The following PTCH1 variants were observed in gnomAD, a reference collection of about 807,000 sequenced individuals.
PTCH1 encodes the protein patched 1, also known as protein patched homolog 1.
Under a neutral mutation model 144.6 loss-of-function variants are expected in PTCH1, and 14 were observed. The observed-to-expected ratio is 0.10, with a 90% CI of 0.06 to 0.15. PTCH1 has a LOEUF of 0.15. PTCH1 is among the 10% of genes least tolerant of loss of function. PTCH1 has a pLI of 1.00. For missense variants in PTCH1, 1,623 were observed against 1,948.3 expected (o/e 0.83, Z 3.14); for synonymous variants, 833 against 793.6 (o/e 1.05, Z -0.83).
intron 2 of PTCH1, among the ~76,000 whole-genome samples, chr9:95,501,803 T>TA (rs879546205): frequency 1.3e-4 from 20 of 152,160 alleles, no homozygotes; most frequent in Admixed American, 1.3e-3. Flanking sequence ...TGAAAAGAAA[T>TA]AGATACTGAG....
At chr9:95,514,089 G>A (rs28410513), upstream of PTCH1, 9 of 151,866 alleles carry the variant, frequency 5.9e-5, no homozygotes, top group African/African-American at 9.7e-5. Flanking sequence ...CTTGAAAGGG[G>A]AATTAGACTT....
At chr9:95,478,271 G>A (rs752055141) in intron 8 of PTCH1, 85 bp from the exon 9 acceptor site, 62 of 1,582,572 alleles carry the variant, frequency 3.9e-5, no homozygotes, top group Middle Eastern at 1.8e-4. Context: ...GTGACACAGC[G>A]CAGCCCTTCT....
At chr9:95,509,623 AC>A (rs1844039894), upstream of PTCH1, among the ~76,000 whole-genome samples, 1 of 152,214 alleles carries the variant, frequency 6.6e-6, no homozygotes, top group Admixed American at 6.5e-5. Context: ...ACGCACACAC[AC>A]GAACATTTGC....
Position 95,480,510 on chromosome 9 carries a change from C to T in PTCH1, c.825G>A (p.Val275=), listed in dbSNP as rs2118421809. 6.2e-6 allele frequency: 10 copies of T among 1,613,288 alleles called. No individual in the cohort carries two copies. Among genetic ancestry groups the T allele is most frequent in the Non-Finnish European group, 7.6e-6 (9 of 1,179,936 alleles). ...LEELKKINYQ[V]DSWEEMLNKA... ...TATTCAGCATTTCCTCCCAGCTGTC[C>T]ACTTGATAGTTTATTTTCTTTAACT... Residue 275 remains valine, a synonymous_variant, in exon 6 of 24, where the codon GTG becomes GTA. Transcript: ENST00000331920.
chr9:95,516,651 CT>C (rs749229122), exon 1 of PTCH1: 2 of 1,612,130 alleles, frequency 1.2e-6, no homozygotes, highest in African/African-American at 2.7e-5. Flanking sequence ...TTTGTCTCCC[CT>C]GTCGTCTTTT....
intron 2 of PTCH1, among the ~76,000 whole-genome samples, chr9:95,488,431 C>CA (rs1842142819): frequency 6.6e-6 from 1 of 152,178 alleles, no homozygotes; most frequent in Non-Finnish European, 1.5e-5. Flanking sequence ...GCCATATATA[C>CA]TATTAAATGC....
At chr9:95,511,430 G>A (rs1291749457), upstream of PTCH1, among the ~76,000 whole-genome samples, 1 of 152,232 alleles carries the variant, frequency 6.6e-6, no homozygotes, top group Non-Finnish European at 1.5e-5. Flanking sequence ...ATGCGGTGCC[G>A]GGGTCAGGGC....
chr9:95,514,681 G>C (rs1393067188), intron 1 of PTCH1, among the ~76,000 whole-genome samples: 5 of 151,684 alleles, frequency 3.3e-5, no homozygotes, highest in Non-Finnish European at 5.9e-5. Context: ...AAAAACGGGA[G>C]ACATATTTTA....
intron 2 of PTCH1, among the ~76,000 whole-genome samples, chr9:95,505,326 C>T (rs1163315866): frequency 1.3e-5 from 2 of 152,216 alleles, no homozygotes. Context: ...CTAGTCACCT[C>T]TACCCTCCCC....
intron 2 of PTCH1, among the ~76,000 whole-genome samples, chr9:95,493,750 C>T (rs139657720): frequency 4.5e-4 from 68 of 151,940 alleles, no homozygotes; most frequent in Middle Eastern, 6.8e-3. Context: ...AATCTCTAAG[C>T]GGGTGTAACT....
At position 95,508,860 on chromosome 9, in the gene PTCH1, G is replaced by A. The variant is rs976867535; in HGVS notation, c.-499C>T. On this transcript the variant is annotated 5_prime_UTR_variant, in exon 1 of 24. Coordinates refer to ENST00000331920, the MANE Select transcript of PTCH1 (RefSeq NM_000264.5). ...CGCCTCCCGGGTCGCCCGAGCGGCC[G>A]CGGAGGGCAAGCGCAGAGCCGCCGC... The A allele has an allele frequency of 5.1e-5, 50 of 980,976 alleles. No homozygotes were observed. The highest frequency in any genetic ancestry group is 1.8e-5 in the African/African-American group (1 of 56,846). The allele number at this position is 980,976 out of a possible 1,614,324, so 60.8% of individuals were successfully genotyped here.
At position 95,447,260 on chromosome 9, in the gene PTCH1, G is replaced by A. The variant is rs1343640252; in HGVS notation, c.3996C>T (p.Gly1332=). The A allele has an allele frequency of 2.5e-6, 4 of 1,612,866 alleles. No homozygotes were observed. Among genetic ancestry groups the A allele is most frequent in the Admixed American group, 3.3e-5 (2 of 60,018 alleles). ...AFEISTEGHS[G]PSNRARWGPR... ...GGCCCCAGCGGGCCCTATTGCTAGG[G>A]CCAGAATGCCCTTCAGTAGAAATTT... The change falls in exon 23 of 24, where the codon GGC becomes GGT. Residue 1332 remains glycine, a synonymous_variant. Coordinates refer to ENST00000331920, the MANE Select transcript of PTCH1 (RefSeq NM_000264.5).
intron 1 of PTCH1, 57 bp from the exon 2 acceptor site, chr9:95,506,656 A>ACTCCCGCTTGCGCGCACC: frequency 6.9e-7 from 1 of 1,452,890 alleles, no homozygotes; most frequent in Non-Finnish European, 9.2e-7. Context: ...CCGCGCGCCC[A>ACTCCCGCTTGCGCGCACC]CGCCCGCTTG....
At chr9:95,463,442 C>A (rs2136702509) in intron 15 of PTCH1, among the ~76,000 whole-genome samples, 1 of 152,246 alleles carries the variant, frequency 6.6e-6, no homozygotes, top group South Asian at 2.1e-4. Context: ...GGGAGGCATG[C>A]ACACACAGGG....
rs752585952 is a variant in PTCH1, at chr9:95,457,975, GA to G, written c.3168+37del. On this transcript the variant is annotated intron_variant, in intron 18 of 23. Transcript: ENST00000331920. ...GCTGCAGAAAGAGCTATGCTGAAAGGAATTTGACTTCCACAAAGCCCCTTAT... is the reference window on the plus strand; with the variant it reads ...GCTGCAGAAAGAGCTATGCTGAAAGGATTTGACTTCCACAAAGCCCCTTAT... 3.1e-6 allele frequency: 5 copies of G among 1,612,962 alleles called. No homozygotes were observed. The South Asian group carries it at 3.3e-5, about 11-fold the overall frequency.
In PTCH1 at chr9:95,449,846, G is replaced by C. The variant is rs1259037941; in HGVS notation, c.3544C>G (p.Pro1182Ala). ...ATCCCCGTGTCACTACTGACCTCAGGATATGGTCCAAAGAAAGACAAAAGC... is the reference window on the plus strand; with the variant it reads ...ATCCCCGTGTCACTACTGACCTCAGCATATGGTCCAAAGAAAGACAAAAGC... ...PVLLSFFGPY[P>A]EVSPANGLNR... The change falls in exon 21 of 24, where the codon CCT (proline) becomes GCT (alanine). Residue 1182 changes from proline (P) to alanine (A), a missense_variant. Coordinates refer to ENST00000331920, the MANE Select transcript of PTCH1 (RefSeq NM_000264.5). The surrounding 1 kb of genome is among the most constrained non-coding windows in gnomAD (Gnocchi z 5.3). 6.2e-7 allele frequency: 1 copy of C among 1,612,778 alleles called. No individual in the cohort carries two copies. Among genetic ancestry groups the C allele is most frequent in the Non-Finnish European group, 8.5e-7 (1 of 1,178,768 alleles).
rs779498046 is a variant in PTCH1, at chr9:95,482,120, A to T, written c.654+14T>A. On this transcript the variant is annotated intron_variant, in intron 4 of 23. Transcript: ENST00000331920. ...TGTTCCTGAGAAATTTTTGCCAACA[A>T]GAAGAAAATATACCTGATCCATGTA... 6.2e-7 allele frequency: 1 copy of T among 1,614,028 alleles called. No individual in the cohort carries two copies.
chr9:95,461,376 G>A (rs1395782353), intron 16 of PTCH1, among the ~76,000 whole-genome samples: 1 of 152,124 alleles, frequency 6.6e-6, no homozygotes, highest in Admixed American at 6.5e-5. Flanking sequence ...GATCTCAAAT[G>A]TAACAAATCT....
Position 95,476,311 on chromosome 9 carries a change from CT to C in PTCH1, c.1603-153del. 1.9e-6 allele frequency: 2 copies of C among 1,071,404 alleles called. No homozygotes were observed. Among genetic ancestry groups the C allele is most frequent in the Non-Finnish European group, 2.8e-6 (2 of 726,388 alleles). 66.4% of individuals were successfully genotyped at this position (1,071,404 alleles called of 1,614,324 possible). On this transcript the variant is annotated intron_variant, in intron 11 of 23. Transcript: ENST00000331920. The surrounding 1 kb of genome is among the most constrained non-coding windows in gnomAD (Gnocchi z 4.6). ...GAAACAGAGCCACCTGCCTTACCCCCTAACACCAGCATTATTCAGTACCATC... is the reference window on the plus strand; with the variant it reads ...GAAACAGAGCCACCTGCCTTACCCCCAACACCAGCATTATTCAGTACCATC...
Sources: allele counts gnomAD v4.1 joint callset (sites outside exome capture counted in the v4.1 genomes callset), GRCh38; gene constraint gnomAD v4.1.1; non-coding constraint Gnocchi (gnomAD v3.1); transcripts MANE v1.5; gene names NCBI Gene and HGNC (gene_info 2026-07-23, HGNC 2026-07-21).